Variants in RBM12 observed in about 807,000 individuals in gnomAD.
RBM12 encodes RNA binding motif protein 12, also known as RNA-binding protein 12.
RBM12 carries 24 observed loss-of-function variants against 37.2 expected under a neutral mutation model. The observed-to-expected ratio is 0.65, with a 90% CI of 0.47 to 0.91. The LOEUF (loss-of-function observed/expected upper bound fraction) is 0.91, where lower values mean the gene tolerates loss of function less well. RBM12 is among the 40% of genes least tolerant of loss of function. RBM12 has a pLI of 0.00. For missense variants in RBM12, 1,061 were observed against 1,183.2 expected, an observed-to-expected ratio of 0.90 and a Z score of 1.52; for synonymous variants, 420 against 425.2, an observed-to-expected ratio of 0.99 and a Z score of 0.15.
rs1390603749 is a variant in RBM12, at chr20:35,658,920, A to G, written c.-23+10T>C. ...GTATAAAAACGAACTCTCTATTCAA[A>G]ATCTCTTACCTGATAAAACAAGAGA... On this transcript the variant is annotated intron_variant, in intron 2 of 2. Coordinates refer to ENST00000374114, the MANE Select transcript of RBM12 (RefSeq NM_006047.6). 1.3e-5 allele frequency: 9 copies of G among 714,138 alleles called. No homozygotes were observed. Among genetic ancestry groups the G allele is most frequent in the Non-Finnish European group, 2.1e-5 (8 of 384,186 alleles). The allele number at this position is 714,138 out of a possible 1,614,324, so 44.2% of individuals were successfully genotyped here. A position where few individuals can be genotyped will look rare whatever the true frequency, so the allele number is the denominator to read the frequency against.
At chr20:35,660,601 T>A (rs1375189986) in intron 1 of RBM12, among the ~76,000 whole-genome samples, 3 of 152,150 alleles carry the variant, frequency 2.0e-5, no homozygotes, top group Non-Finnish European at 4.4e-5. Flanking sequence ...AAGGAAAATG[T>A]GAAACAGAAA....
Position 35,651,600 on chromosome 20 carries a change from G to A in RBM12, c.*924C>T, listed in dbSNP as rs1162999887. ...AAAGGCCAAAATTTCACATAATCGGGACAGGAGGAAATTGATACTACAATT... is the reference window on the plus strand; with the variant it reads ...AAAGGCCAAAATTTCACATAATCGGAACAGGAGGAAATTGATACTACAATT... On this transcript the variant is annotated 3_prime_UTR_variant, in exon 3 of 3. Transcript: ENST00000374114. 2 of 152,080 alleles carry A rather than the reference G, an allele frequency of 1.3e-5. No individual in the cohort carries two copies. The highest frequency in any genetic ancestry group is 2.9e-5 in the Non-Finnish European group (2 of 68,024). The allele number at this position is 152,080 out of a possible 1,614,324, so 9.4% of individuals were successfully genotyped here.
Position 35,648,976 on chromosome 20 carries a change from T to C in RBM12, c.*3548A>G, listed in dbSNP as rs1032034254. On this transcript the variant is annotated 3_prime_UTR_variant, in exon 3 of 3. Transcript: ENST00000374114. The stretch of plus-strand genomic sequence containing the variant: ...CCTGTTTTATTTTTTGACAAGTTTA[T>C]TGAACAGTATTCAAGACTTCATCTT... 3 of 152,680 alleles carry C rather than the reference T, an allele frequency of 2.0e-5. No individual in the cohort carries two copies. Among genetic ancestry groups the C allele is most frequent in the Non-Finnish European group, 2.9e-5 (2 of 68,038 alleles). The allele number at this position is 152,680 out of a possible 1,614,324, so 9.5% of individuals were successfully genotyped here. A position where few individuals can be genotyped will look rare whatever the true frequency, so the allele number is the denominator to read the frequency against.
In RBM12 at chr20:35,652,487, A is replaced by G. The variant is rs1413841049; in HGVS notation, c.*37T>C. ...CAATCTGGATGCATTAATCACAGCAATATGAAGATCTACCCTATAAAAAAT... is the reference window on the plus strand; with the variant it reads ...CAATCTGGATGCATTAATCACAGCAGTATGAAGATCTACCCTATAAAAAAT... On this transcript the variant is annotated 3_prime_UTR_variant, in exon 3 of 3. Transcript: ENST00000374114. 6.4e-7 allele frequency: 1 copy of G among 1,568,798 alleles called. No individual in the cohort carries two copies. Among genetic ancestry groups the G allele is most frequent in the Admixed American group, 1.9e-5 (1 of 51,906 alleles).
At position 35,664,742 on chromosome 20, in the gene RBM12, G is replaced by T. The variant is rs138629852; in HGVS notation, c.-108+18C>A. The T allele has an allele frequency of 6.6e-6, 1 of 152,284 alleles. No individual in the cohort carries two copies. The allele number at this position is 152,284 out of a possible 1,614,324, so 9.4% of individuals were successfully genotyped here. On this transcript the variant is annotated intron_variant, in intron 1 of 2. Transcript: ENST00000374114. ...GCCCCGCACAGCCCCACCCGTTCAG[G>T]GGCTGCGGGAGTCTTACCGGGGAAA...
Position 35,653,924 on chromosome 20 carries a change from T to C in RBM12, c.1399A>G (p.Asn467Asp). 6.2e-7 allele frequency: 1 copy of C among 1,614,178 alleles called. No individual in the cohort carries two copies. The highest frequency in any genetic ancestry group is 8.5e-7 in the Non-Finnish European group (1 of 1,180,028). Residue 467 changes from asparagine to aspartate, a missense_variant, in exon 3 of 3, where the codon AAT becomes GAT. Physicochemically the swap from Asn to Asp is conservative, Grantham distance 23 (BLOSUM62 1). This residue lies in a region of RBM12 where 540 missense variants were observed against 632.7 expected (regional missense o/e 0.85). Coordinates refer to ENST00000374114, the MANE Select transcript of RBM12 (RefSeq NM_006047.6). ...AAGCCTTCGCCAGTTGCTTTCCCAT[T>C]GGGTCCATAAGCTATATAAATACTA... is the stretch of plus-strand genomic sequence containing the variant. ...EDSIYIAYGP[N>D]GKATGEGFVE...
chr20:35,655,323 G>A lies in RBM12; in HGVS notation c.-1C>T, dbSNP rs150071988. Reference sequence around the variant, plus strand: ...CTTGCAAACGGATGACCACAGCCATGCTGCGCTGAAACCACACACACCTGC... The same window carrying A: ...CTTGCAAACGGATGACCACAGCCATACTGCGCTGAAACCACACACACCTGC... On this transcript the variant is annotated 5_prime_UTR_variant, in exon 3 of 3. Transcript: ENST00000374114. 6.2e-7 allele frequency: 1 copy of A among 1,604,200 alleles called. No homozygotes were observed. Among genetic ancestry groups the A allele is most frequent in the Non-Finnish European group, 8.5e-7 (1 of 1,178,954 alleles).
rs1901936721 is a variant in RBM12 at position 35,650,216 on chromosome 20, C to G, written c.*2308G>C. ...TGTGATTCATATAAAACATAGTTCT[C>G]TCCAATTTCTACACAAACCGCTCTT... On this transcript the variant is annotated 3_prime_UTR_variant, in exon 3 of 3. Coordinates refer to ENST00000374114, the MANE Select transcript of RBM12 (RefSeq NM_006047.6). The G allele has an allele frequency of 6.6e-6, 1 of 152,450 alleles. No homozygotes were observed. Among genetic ancestry groups the G allele is most frequent in the Admixed American group, 6.5e-5 (1 of 15,284 alleles). The allele number at this position is 152,450 out of a possible 1,614,324, so 9.4% of individuals were successfully genotyped here.
At position 35,652,778 on chromosome 20, in the gene RBM12, T is replaced by C. The variant is rs769135399; in HGVS notation, c.2545A>G (p.Ser849Gly). Residue 849 changes from serine (S) to glycine (G), a missense_variant, in exon 3 of 3, where the codon AGT (serine) becomes GGT (glycine). This residue lies in a region of RBM12 where 517 missense variants were observed against 534.0 expected (regional missense o/e 0.97). Coordinates refer to ENST00000374114, the MANE Select transcript of RBM12 (RefSeq NM_006047.6). ...HIGGPPGFASSSGKPGPTVIK... is the reference protein window; with the variant it reads ...HIGGPPGFASGSGKPGPTVIK... ...ACTGTCGGTCCTGGTTTTCCAGAACTAGATGCAAAGCCAGGGGGACCACCA... is the reference window on the plus strand; with the variant it reads ...ACTGTCGGTCCTGGTTTTCCAGAACCAGATGCAAAGCCAGGGGGACCACCA... The C allele has an allele frequency of 7.4e-6, 12 of 1,611,562 alleles. No individual in the cohort carries two copies. In the South Asian group the frequency reaches 1.2e-4, roughly 16 times the overall value.
intron 2 of RBM12, among the ~76,000 whole-genome samples, chr20:35,657,341 T>C (rs1003400918): frequency 9.9e-5 from 15 of 152,236 alleles, no homozygotes; most frequent in African/African-American, 3.6e-4. Context: ...TTCACATTCC[T>C]TGCTCAATCT....
intron 2 of RBM12, among the ~76,000 whole-genome samples, chr20:35,657,203 T>C (rs2033949100): frequency 1.3e-5 from 2 of 152,212 alleles, no homozygotes; most frequent in South Asian, 4.1e-4. Flanking sequence ...GCTTTTCATT[T>C]ACAAACTTCA....
Position 35,654,577 on chromosome 20 carries a change from G to C in RBM12, c.746C>G (p.Pro249Arg), listed in dbSNP as rs199976167. Residue 249 changes from proline (P) to arginine (R), a missense_variant, in exon 3 of 3, where the codon CCG (proline) becomes CGG (arginine). Around this residue, in one of 3 missense-constraint regions of RBM12, gnomAD observed 540 missense variants for 632.7 expected, o/e 0.85. Transcript: ENST00000374114. ...AGCAGGTAGAGGTGCCACAGGTGGC[G>C]GATTCAAGGGCGGCATGCCCGACAT... ...PPMSGMPPLN[P>R]PPVAPLPAGM... 6.2e-7 allele frequency: 1 copy of C among 1,614,082 alleles called. No individual in the cohort carries two copies. Among genetic ancestry groups the C allele is most frequent in the Non-Finnish European group, 8.5e-7 (1 of 1,180,044 alleles).
In RBM12 at chr20:35,655,340, C is replaced by A; in HGVS notation, c.-18G>T. On this transcript the variant is annotated 5_prime_UTR_variant, in exon 3 of 3. Transcript: ENST00000374114. The stretch of plus-strand genomic sequence containing the variant: ...ACAGCCATGCTGCGCTGAAACCACA[C>A]ACACCTGCAGATGAGAAAAGGCAAC... 2 of 1,596,488 alleles carry A rather than the reference C, an allele frequency of 1.3e-6. No individual in the cohort carries two copies. Among genetic ancestry groups the A allele is most frequent in the African/African-American group, 2.7e-5 (2 of 74,790 alleles).
chr20:35,660,626 G>T (rs1452428805), intron 1 of RBM12, among the ~76,000 whole-genome samples: 1 of 152,192 alleles, frequency 6.6e-6, no homozygotes, highest in Non-Finnish European at 1.5e-5. Context: ...CCTGCTTCAA[G>T]TAAAGCAATG....
chr20:35,658,892 T>G, intron 2 of RBM12, 38 bp downstream of exon 2: 1 of 710,198 alleles, frequency 1.4e-6, no homozygotes, highest in South Asian at 1.5e-5. Context: ...CTCATTTTAT[T>G]TTGTATAAAA....
Position 35,652,827 on chromosome 20 carries a change from G to A in RBM12, c.2496C>T (p.Gly832=). Residue 832 remains glycine, a synonymous_variant, in exon 3 of 3, where the codon GGC becomes GGT. Transcript: ENST00000374114. The part of the protein sequence containing the change: ...PPAFGPGPGP[G]PGPGPIHIGG... The stretch of plus-strand genomic sequence containing the variant: ...CAATATGGATTGGGCCAGGGCCGGG[G>A]CCGGGGCCGGGGCCAGGCCCAAAAG... The A allele has an allele frequency of 1.9e-6, 3 of 1,604,248 alleles. No homozygotes were observed. The highest frequency in any genetic ancestry group is 2.6e-6 in the Non-Finnish European group (3 of 1,175,046).
chr20:35,652,281 T>C lies in RBM12; in HGVS notation c.*243A>G. On this transcript the variant is annotated 3_prime_UTR_variant, in exon 3 of 3. Coordinates refer to ENST00000374114, the MANE Select transcript of RBM12 (RefSeq NM_006047.6). Reference sequence around the variant, plus strand: ...TCATTTGAGTTTTACAAATGGTTTCTCTAATGGTATGCCAAAATCATTTAT... The same window carrying C: ...TCATTTGAGTTTTACAAATGGTTTCCCTAATGGTATGCCAAAATCATTTAT... The C allele has an allele frequency of 2.3e-6, 1 of 431,184 alleles. No homozygotes were observed. Among genetic ancestry groups the C allele is most frequent in the Admixed American group, 3.9e-5 (1 of 25,354 alleles). 26.7% of individuals were successfully genotyped at this position (431,184 alleles called of 1,614,324 possible).
In RBM12 at chr20:35,653,797, C is replaced by T; in HGVS notation, c.1526G>A (p.Gly509Asp). 6.2e-7 allele frequency: 1 copy of T among 1,613,898 alleles called. No individual in the cohort carries two copies. Among genetic ancestry groups the T allele is most frequent in the Non-Finnish European group, 8.5e-7 (1 of 1,180,032 alleles). The change falls in exon 3 of 3, where the codon GGT becomes GAT. Residue 509 changes from glycine to aspartate, a missense_variant. Gly to Asp is a moderately conservative substitution (Grantham distance 94). Transcript: ENST00000374114. ...FIQVHPITKK[G>D]MLEKIDMIRK... ...AATCATATCTATCTTTTCTAGCATACCTTTCTTAGTAATTGGATGAACTTG... is the reference window on the plus strand; with the variant it reads ...AATCATATCTATCTTTTCTAGCATATCTTTCTTAGTAATTGGATGAACTTG...
chr20:35,654,444 A>G lies in RBM12; in HGVS notation c.879T>C (p.Ser293=), dbSNP rs1173280607. Residue 293 remains serine, a synonymous_variant, in exon 3 of 3, where the codon AGT becomes AGC. Transcript: ENST00000374114. The part of the protein sequence containing the change: ...VNPIQMNSQS[S]VKPLPINPDD... ...CAGGGTTGATGGGGAGTGGCTTCACACTGCTCTGAGAGTTCATCTGGATAG... is the reference window on the plus strand; with the variant it reads ...CAGGGTTGATGGGGAGTGGCTTCACGCTGCTCTGAGAGTTCATCTGGATAG... The G allele has an allele frequency of 6.2e-7, 1 of 1,614,230 alleles. No individual in the cohort carries two copies. The highest frequency in any genetic ancestry group is 1.7e-5 in the Admixed American group (1 of 60,028).
Sources: allele counts gnomAD v4.1 joint callset (sites outside exome capture counted in the v4.1 genomes callset), GRCh38; gene constraint gnomAD v4.1.1; regional missense constraint gnomAD v4.1.1; transcripts MANE v1.5; gene names NCBI Gene and HGNC (gene_info 2026-07-23, HGNC 2026-07-21).